The following PUS7L variants were observed in gnomAD, a reference collection of about 807,000 sequenced individuals.
PUS7L encodes the protein pseudouridylate synthase PUS7L.
Under a neutral mutation model 51.1 loss-of-function variants are expected in PUS7L, and 49 were observed. The ratio of observed to expected loss-of-function variants is 0.96; its 90% CI spans 0.76 to 1.22. The LOEUF is 1.22. Ranked by LOEUF, PUS7L falls within the 50% of genes most tolerant of loss-of-function variation. The pLI, the probability that PUS7L is intolerant of heterozygous loss-of-function variation, is 0.00. For synonymous variants in PUS7L, 277 were observed against 276.2 expected (o/e 1.00, Z -0.03); for missense variants, 828 against 820.6 (o/e 1.01, Z -0.11).
chr12:43,751,603 G>A (rs1302568305), intron 2 of PUS7L, among the ~76,000 whole-genome samples: 1 of 152,134 alleles, frequency 6.6e-6, no homozygotes. Flanking sequence ...ATCGTTGTTG[G>A]ACATTTGGGT....
chr12:43,736,756 A>T (rs893773134), intron 6 of PUS7L, 95 bp from the exon 7 acceptor site: 9 of 1,099,098 alleles, frequency 8.2e-6, no homozygotes, highest in Non-Finnish European at 1.2e-5. Flanking sequence ...GGCAATGAAC[A>T]TGGGTATTAA....
In PUS7L at chr12:43,730,592, T is replaced by C. The variant is rs1944529284; in HGVS notation, c.1890A>G (p.Val630=). ...RDGLQTCRFK[V]PTLKLNIPGC... Reference sequence around the variant, plus strand: ...CTGGTATATTCAGTTTCAGAGTAGGTACTTTAAACCTACATGTCTGTAGTC... The same window carrying C: ...CTGGTATATTCAGTTTCAGAGTAGGCACTTTAAACCTACATGTCTGTAGTC... Residue 630 remains valine, a synonymous_variant, in exon 9 of 9, where the codon GTA becomes GTG. Coordinates refer to ENST00000344862, the MANE Select transcript of PUS7L (RefSeq NM_031292.5). 1.9e-6 allele frequency: 3 copies of C among 1,613,676 alleles called. No homozygotes were observed. Among genetic ancestry groups the C allele is most frequent in the Non-Finnish European group, 2.5e-6 (3 of 1,179,658 alleles).
In PUS7L at chr12:43,754,877, A is replaced by C; in HGVS notation, c.369T>G (p.Asp123Glu). The C allele has an allele frequency of 1.9e-6, 3 of 1,613,748 alleles. No homozygotes were observed. The highest frequency in any genetic ancestry group is 2.5e-6 in the Non-Finnish European group (3 of 1,179,844). ...TTTCATCCAAAAAGGAGCTTAAAACATCAGCTTTTTCTTCACATTTGGAAG... is the reference window on the plus strand; with the variant it reads ...TTTCATCCAAAAAGGAGCTTAAAACCTCAGCTTTTTCTTCACATTTGGAAG... The part of the protein sequence containing the change: ...DGTSKCEEKA[D>E]VLSSFLDEKT... Residue 123 changes from aspartate (D) to glutamate (E), a missense_variant, in exon 2 of 9, where the codon GAT becomes GAG. By Grantham distance (45) the Asp-to-Glu change is conservative. Coordinates refer to ENST00000344862, the MANE Select transcript of PUS7L (RefSeq NM_031292.5).
At chr12:43,752,147 T>C (rs555162743) in intron 2 of PUS7L, among the ~76,000 whole-genome samples, 2 of 152,330 alleles carry the variant, frequency 1.3e-5, no homozygotes, top group South Asian at 4.1e-4. Flanking sequence ...ATTCTGTAGG[T>C]TGCCTGTTCA....
intron 4 of PUS7L, among the ~76,000 whole-genome samples, chr12:43,745,059 T>C (rs1295767409): frequency 1.3e-5 from 2 of 152,190 alleles, no homozygotes; most frequent in Admixed American, 6.5e-5. Flanking sequence ...CATTCACTTA[T>C]ATATTGTCTG....
rs1944365928 is a variant in PUS7L, at chr12:43,719,127, G to A, written c.*11249C>T. On this transcript the variant is annotated 3_prime_UTR_variant, in exon 9 of 9. Coordinates refer to ENST00000344862, the MANE Select transcript of PUS7L (RefSeq NM_031292.5). ...GTAACCAAATTCAGGCCAAAAGATAGTCTGAGAATGGAAATTTACATTCCA... is the reference window on the plus strand; with the variant it reads ...GTAACCAAATTCAGGCCAAAAGATAATCTGAGAATGGAAATTTACATTCCA... 6.6e-6 allele frequency: 1 copy of A among 151,876 alleles called. No homozygotes were observed. The allele number at this position is 151,876 out of a possible 1,614,324, so 9.4% of individuals were successfully genotyped here.
At position 43,754,444 on chromosome 12, in the gene PUS7L, T is replaced by G; in HGVS notation, c.802A>C (p.Ser268Arg). 1 of 1,613,894 alleles carries G rather than the reference T, an allele frequency of 6.2e-7. No individual in the cohort carries two copies. The highest frequency in any genetic ancestry group is 8.5e-7 in the Non-Finnish European group (1 of 1,179,786). The part of the protein sequence containing the change: ...ETKSFSKMNC[S>R]AGNPNVVVTV... ...ACCACCACATTCGGATTACCAGCAC[T>G]GCAATTCATTTTAGAAAAAGATTTG... Residue 268 changes from serine to arginine, a missense_variant, in exon 2 of 9, where the codon AGT becomes CGT. Coordinates refer to ENST00000344862, the MANE Select transcript of PUS7L (RefSeq NM_031292.5).
intron 4 of PUS7L, 111 bp from the exon 5 acceptor site, chr12:43,742,666 T>A: frequency 7.1e-7 from 1 of 1,410,662 alleles, no homozygotes; most frequent in Non-Finnish European, 9.2e-7. Flanking sequence ...AACTCTGTAA[T>A]CAGCAGTATA....
chr12:43,743,725 T>G (rs1938022811), intron 4 of PUS7L, among the ~76,000 whole-genome samples: 1 of 151,638 alleles, frequency 6.6e-6, no homozygotes, highest in African/African-American at 2.4e-5. Context: ...ATCGTGCCAC[T>G]GCACTCCAGC....
Position 43,731,454 on chromosome 12 carries a change from A to C in PUS7L, c.1779+251T>G, listed in dbSNP as rs75433639. 4.3e-4 allele frequency among the ~76,000 whole-genome samples: 65 copies of C among 152,272 alleles called. No homozygotes were observed. The East Asian group carries it at 6.9e-3, about 16-fold the overall frequency. ...GTGAGGGATGGGAATGGGCGCAGGA[A>C]AATTTGGAGAGGGGAGGAAACTGTT... On this transcript the variant is annotated intron_variant, in intron 8 of 8. Transcript: ENST00000344862.
At chr12:43,744,377 C>T (rs747153557) in intron 4 of PUS7L, among the ~76,000 whole-genome samples, 3 of 152,082 alleles carry the variant, frequency 2.0e-5, no homozygotes, top group Admixed American at 6.5e-5. Context: ...TGAGTTCTCA[C>T]GATAGTGAGT....
chr12:43,733,552 T>C (rs1172572619), intron 7 of PUS7L, among the ~76,000 whole-genome samples: 1 of 152,202 alleles, frequency 6.6e-6, no homozygotes, highest in Non-Finnish European at 1.5e-5. Flanking sequence ...AAAACTATCC[T>C]TGTAAATGTT....
chr12:43,729,196 T>G lies in PUS7L; in HGVS notation c.*1180A>C. ...GCTGGACTTTGAAAACTGTTTTTAGTGTCTGTATATGAAAATATTGCAATA... is the reference window on the plus strand; with the variant it reads ...GCTGGACTTTGAAAACTGTTTTTAGGGTCTGTATATGAAAATATTGCAATA... On this transcript the variant is annotated 3_prime_UTR_variant, in exon 9 of 9. Coordinates refer to ENST00000344862, the MANE Select transcript of PUS7L (RefSeq NM_031292.5). 2.5e-6 allele frequency: 1 copy of G among 397,946 alleles called. No individual in the cohort carries two copies. The highest frequency in any genetic ancestry group is 1.3e-4 in the South Asian group (1 of 7,854). The allele number at this position is 397,946 out of a possible 1,614,324, so 24.7% of individuals were successfully genotyped here. A position where few individuals can be genotyped will look rare whatever the true frequency, so the allele number is the denominator to read the frequency against.
At position 43,730,307 on chromosome 12, in the gene PUS7L, G is replaced by T; in HGVS notation, c.*69C>A. On this transcript the variant is annotated 3_prime_UTR_variant, in exon 9 of 9. Coordinates refer to ENST00000344862, the MANE Select transcript of PUS7L (RefSeq NM_031292.5). ...ATGAAGTTCCTAACACATGGAAGGT[G>T]CTTAAGACATTTTAGCCCCCTTTCC... 8.9e-7 allele frequency: 1 copy of T among 1,124,986 alleles called. No homozygotes were observed. The highest frequency in any genetic ancestry group is 1.3e-6 in the Non-Finnish European group (1 of 768,026). 69.7% of individuals were successfully genotyped at this position (1,124,986 alleles called of 1,614,324 possible). A position where few individuals can be genotyped will look rare whatever the true frequency, so the allele number is the denominator to read the frequency against.
intron 7 of PUS7L, among the ~76,000 whole-genome samples, chr12:43,736,138 T>C (rs1230646608): frequency 6.6e-6 from 1 of 152,192 alleles, no homozygotes; most frequent in Non-Finnish European, 1.5e-5. Flanking sequence ...AATGGGTTTT[T>C]TAAAGGAAGC....
chr12:43,735,178 G>A (rs572179117), intron 7 of PUS7L, among the ~76,000 whole-genome samples: 1 of 152,026 alleles, frequency 6.6e-6, no homozygotes, highest in South Asian at 2.1e-4. Context: ...TTAGCCAGGC[G>A]TGGTGGCAGG....
In PUS7L at chr12:43,736,502, G is replaced by A. The variant is rs771016525; in HGVS notation, c.1604C>T (p.Thr535Ile). 1 of 1,614,172 alleles carries A rather than the reference G, an allele frequency of 6.2e-7. No homozygotes were observed. Among genetic ancestry groups the A allele is most frequent in the Admixed American group, 1.7e-5 (1 of 60,012 alleles). Residue 535 changes from threonine to isoleucine, a missense_variant, in exon 7 of 9, where the codon ACC (threonine) becomes ATC (isoleucine). Physicochemically the swap from Thr to Ile is moderately conservative, Grantham distance 89. Coordinates refer to ENST00000344862, the MANE Select transcript of PUS7L (RefSeq NM_031292.5). ...TACTGCCTCATTCCAAATTTTGCTG[G>A]TATATGCGTGAACATAGAATATGCG... ...SMRIFYVHAY[T>I]SKIWNEAVSY...
chr12:43,731,892 T>C (rs1565628794), intron 7 of PUS7L, 134 bp from the exon 8 acceptor site: 2 of 603,242 alleles, frequency 3.3e-6, no homozygotes, highest in South Asian at 2.1e-5. Context: ...CAAGATCTTA[T>C]CATAATTTGT....
intron 8 of PUS7L, 37 bp downstream of exon 8, chr12:43,731,662 CTACACT>C: frequency 8.7e-7 from 1 of 1,150,786 alleles, no homozygotes; most frequent in Non-Finnish European, 1.3e-6. Context: ...GGGACAATGT[CTACACT>C]TAGATCTAAG....
Sources: gnomAD v4.1 joint callset for allele counts (sites outside exome capture counted in the v4.1 genomes callset) on GRCh38, gnomAD v4.1.1 for gene constraint, MANE v1.5 for transcripts, NCBI Gene and HGNC (gene_info 2026-07-23, HGNC 2026-07-21) for gene names.